The following ACSS3 variants were observed in gnomAD, a reference collection of about 807,000 sequenced individuals.
The protein encoded by ACSS3 is acyl-CoA synthetase short-chain family member 3, mitochondrial.
In ACSS3, 64 loss-of-function variants were observed where a neutral mutation model predicts 84.2. That is an observed-to-expected ratio of 0.76 (90% confidence interval 0.62 to 0.94). The LOEUF is 0.94. Among genes scored for constraint, ACSS3 ranks in the 40% least tolerant of loss-of-function variants. The pLI, the probability that ACSS3 is intolerant of heterozygous loss-of-function variation, is 0.00. For synonymous variants in ACSS3, 317 were observed against 310.1 expected (o/e 1.02, Z -0.23); for missense variants, 815 against 867.6 (o/e 0.94, Z 0.76).
chr12:81,199,413 A>G lies in ACSS3; in HGVS notation c.1323A>G (p.Arg441=), dbSNP rs758971591. 3 of 1,613,714 alleles carry G rather than the reference A, an allele frequency of 1.9e-6. No homozygotes were observed. The highest frequency in any genetic ancestry group is 1.7e-5 in the Admixed American group (1 of 59,996). Reference sequence around the variant, plus strand: ...TGGAATGGTCCAAAAATGTCTTCAGAGTACCTGTCTTAGACCATTGGTGGC... The same window carrying G: ...TGGAATGGTCCAAAAATGTCTTCAGGGTACCTGTCTTAGACCATTGGTGGC... ...ETLEWSKNVF[R]VPVLDHWWQT... Residue 441 remains arginine (R), a synonymous_variant, in exon 9 of 16, where the codon AGA becomes AGG. Coordinates refer to ENST00000548058, the MANE Select transcript of ACSS3 (RefSeq NM_024560.4).
At chr12:81,161,157 G>A (rs1028278636) in intron 7 of ACSS3, among the ~76,000 whole-genome samples, 1 of 152,150 alleles carries the variant, frequency 6.6e-6, no homozygotes, top group Admixed American at 6.5e-5. Context: ...TTCAAAGTCT[G>A]TTTGTCCTCA....
chr12:81,222,006 A>G (rs967087438), intron 11 of ACSS3, among the ~76,000 whole-genome samples: 5 of 152,060 alleles, frequency 3.3e-5, no homozygotes, highest in Admixed American at 3.3e-4. Context: ...CCATTCAGAG[A>G]TAATAAAATA....
intron 10 of ACSS3, among the ~76,000 whole-genome samples, chr12:81,219,015 CATTT>C (rs1429414694): frequency 3.3e-5 from 5 of 151,922 alleles, no homozygotes; most frequent in Non-Finnish European, 5.9e-5. Flanking sequence ...TAATATAACA[CATTT>C]ATTGAGTACC....
At chr12:81,248,868 C>T (rs768096257) in intron 13 of ACSS3, among the ~76,000 whole-genome samples, 2 of 151,630 alleles carry the variant, frequency 1.3e-5, no homozygotes, top group Non-Finnish European at 2.9e-5. Context: ...AAAAGAATTT[C>T]GAGTACAAAA....
intron 9 of ACSS3, among the ~76,000 whole-genome samples, chr12:81,204,691 CTGT>C (rs1363041936): frequency 1.3e-5 from 2 of 152,052 alleles, no homozygotes; most frequent in Non-Finnish European, 2.9e-5. Context: ...TTATTTTTAC[CTGT>C]TGACAGGACA....
At chr12:81,119,764 G>A (rs1884407697) in intron 2 of ACSS3, among the ~76,000 whole-genome samples, 1 of 151,940 alleles carries the variant, frequency 6.6e-6, no homozygotes, top group Non-Finnish European at 1.5e-5. Context: ...TCTTTTTCAA[G>A]GTGCACTGAT....
intron 11 of ACSS3, among the ~76,000 whole-genome samples, chr12:81,225,754 T>C (rs919618266): frequency 6.6e-6 from 1 of 151,966 alleles, no homozygotes; most frequent in Non-Finnish European, 1.5e-5. Context: ...TCATAGTTTA[T>C]ATCCTTGTAT....
At chr12:81,159,537 A>G (rs1320437125) in intron 7 of ACSS3, among the ~76,000 whole-genome samples, 2 of 152,232 alleles carry the variant, frequency 1.3e-5, no homozygotes, top group Non-Finnish European at 2.9e-5. Context: ...CAGTTAAAAT[A>G]TGGAAACCAA....
chr12:81,201,883 A>G (rs1367428518), intron 9 of ACSS3, among the ~76,000 whole-genome samples: 2 of 152,202 alleles, frequency 1.3e-5, no homozygotes, highest in Non-Finnish European at 2.9e-5. Flanking sequence ...TAGGTGATGC[A>G]GAGGTTGGCT....
At chr12:81,121,813 A>G (rs1188223492) in intron 2 of ACSS3, among the ~76,000 whole-genome samples, 1 of 152,166 alleles carries the variant, frequency 6.6e-6, no homozygotes, top group Non-Finnish European at 1.5e-5. Flanking sequence ...GGCTTTGATT[A>G]TACAATGTGC....
chr12:81,094,157 CCTCT>C lies in ACSS3; in HGVS notation c.312-15390_312-15387del, dbSNP rs1197848879. On this transcript the variant is annotated intron_variant, in intron 1 of 15. Coordinates refer to ENST00000548058, the MANE Select transcript of ACSS3 (RefSeq NM_024560.4). ...GCATTCCAAGGATATATTTTTTTTT[CCTCT>C]CTCTCTCTCTCTGTCTCTCTCTCTG... Among the ~76,000 whole-genome samples, 10 of 131,648 alleles carry C rather than the reference CCTCT, an allele frequency of 7.6e-5. 1 individual carries two copies. Among genetic ancestry groups the C allele is most frequent in the Middle Eastern group, 7.4e-3 (2 of 270 alleles). The allele number at this position is 131,648 out of a possible 152,430, so 86.4% of individuals were successfully genotyped here.
rs536014204 is a variant in ACSS3 at position 81,233,292 on chromosome 12, A to G, written c.1597-57A>G. The G allele has an allele frequency of 1.9e-5, 30 of 1,559,736 alleles. No individual in the cohort carries two copies. The South Asian group carries it at 2.2e-4, about 11-fold the overall frequency. ...CATTGTGTGTTTTACCAAGTTTAAA[A>G]TGATTACATTAGTTAACAGTACATG... is the stretch of plus-strand genomic sequence containing the variant. On this transcript the variant is annotated intron_variant, in intron 12 of 15. Transcript: ENST00000548058.
At chr12:81,249,660 G>A (rs1164267543) in intron 13 of ACSS3, among the ~76,000 whole-genome samples, 8 of 151,972 alleles carry the variant, frequency 5.3e-5, no homozygotes, top group African/African-American at 1.9e-4. Context: ...TTAAGTAGTT[G>A]CAACATTGCT....
At chr12:81,158,946 C>T (rs1234518051) in intron 7 of ACSS3, among the ~76,000 whole-genome samples, 4 of 152,114 alleles carry the variant, frequency 2.6e-5, no homozygotes, top group Non-Finnish European at 4.4e-5. Context: ...TTGTGTCCAC[C>T]GTCAATTCTC....
At chr12:81,196,142 T>A (rs2031818172) in intron 8 of ACSS3, among the ~76,000 whole-genome samples, 1 of 152,204 alleles carries the variant, frequency 6.6e-6, no homozygotes, top group Non-Finnish European at 1.5e-5. Context: ...ATTAGCATAA[T>A]GATTTGAGCA....
intron 10 of ACSS3, among the ~76,000 whole-genome samples, chr12:81,218,084 A>G (rs1228363237): frequency 1.3e-5 from 2 of 152,178 alleles, no homozygotes; most frequent in African/African-American, 4.8e-5. Flanking sequence ...AAATAAGAGT[A>G]ACATTTTTAT....
intron 13 of ACSS3, among the ~76,000 whole-genome samples, chr12:81,241,262 T>A (rs1411815061): frequency 2.0e-5 from 3 of 152,100 alleles, no homozygotes; most frequent in Non-Finnish European, 2.9e-5. Flanking sequence ...TGGTTCCAAG[T>A]CTTTGCTATT....
chr12:81,155,043 G>A (rs1886795339), intron 7 of ACSS3, among the ~76,000 whole-genome samples: 1 of 152,096 alleles, frequency 6.6e-6, no homozygotes, highest in Admixed American at 6.5e-5. Context: ...CACTGAGCTG[G>A]CCACACTATA....
intron 11 of ACSS3, among the ~76,000 whole-genome samples, chr12:81,224,941 T>C (rs538964716): frequency 6.6e-6 from 1 of 152,050 alleles, no homozygotes; most frequent in South Asian, 2.1e-4. Flanking sequence ...TAAAGCACAA[T>C]AGTACTGATG....
Sources: allele counts gnomAD v4.1 joint callset (sites outside exome capture counted in the v4.1 genomes callset), GRCh38; gene constraint gnomAD v4.1.1; transcripts MANE v1.5; gene names NCBI Gene and HGNC (gene_info 2026-07-23, HGNC 2026-07-21).